Variants in CAPRIN2 observed in about 807,000 individuals in gnomAD.
CAPRIN2 encodes caprin-2.
Under a neutral mutation model 130.4 loss-of-function variants are expected in CAPRIN2, and 66 were observed. That is an observed-to-expected ratio of 0.51 (90% confidence interval 0.42 to 0.62). The LOEUF (loss-of-function observed/expected upper bound fraction) is 0.62. CAPRIN2 is among the 20% of genes least tolerant of loss of function. The probability of loss-of-function intolerance (pLI) is 0.00; values close to 1 mark genes in which losing one functional copy is unlikely to be tolerated. For synonymous variants in CAPRIN2, 471 were observed against 444.1 expected (o/e 1.06, Z -0.76); for missense variants, 1,185 against 1,246.6 (o/e 0.95, Z 0.74).
intron 15 of CAPRIN2, among the ~76,000 whole-genome samples, chr12:30,712,671 C>T (rs764086799): frequency 6.7e-6 from 1 of 149,344 alleles, no homozygotes; most frequent in Non-Finnish European, 1.5e-5. Context: ...GGTCACATGG[C>T]AAGAGAAGTG....
intron 9 of CAPRIN2, among the ~76,000 whole-genome samples, chr12:30,725,645 T>C (rs1181168914): frequency 4.6e-5 from 7 of 152,206 alleles, no homozygotes; most frequent in African/African-American, 1.7e-4. Context: ...TCTAACAATA[T>C]CAGGCACAGA....
chr12:30,732,325 C>T (rs544271905), intron 5 of CAPRIN2, among the ~76,000 whole-genome samples: 1 of 152,022 alleles, frequency 6.6e-6, no homozygotes, highest in South Asian at 2.1e-4. Flanking sequence ...ATTCCTTTCA[C>T]AGGAGTACTA....
intron 13 of CAPRIN2, chr12:30,715,444 T>C (rs1189313059): frequency 1.0e-5 from 5 of 481,324 alleles, no homozygotes; most frequent in Admixed American, 2.3e-5. Context: ...ATACCACTTA[T>C]ATGAGGTACC....
chr12:30,734,220 C>T (rs2063687739), intron 4 of CAPRIN2, among the ~76,000 whole-genome samples: 1 of 152,136 alleles, frequency 6.6e-6, no homozygotes, highest in Non-Finnish European at 1.5e-5. Context: ...AAATACATGG[C>T]TATATATAGG....
In CAPRIN2 at chr12:30,731,149, A is replaced by C. The variant is rs548865011; in HGVS notation, c.1060+194T>G. 2.0e-5 allele frequency among the ~76,000 whole-genome samples: 3 copies of C among 152,302 alleles called. No homozygotes were observed. In the East Asian group the frequency reaches 5.8e-4, roughly 29 times the overall value. On this transcript the variant is annotated intron_variant, in intron 6 of 16. Coordinates refer to ENST00000298892, the Ensembl canonical transcript of CAPRIN2. ...AAAGTACAAATTAATATTTCTAATA[A>C]GTTTCACTCGGTAAATCATGGTGAT...
chr12:30,729,317 G>A lies in CAPRIN2; in HGVS notation c.1113C>T (p.Asn371=), dbSNP rs765985451. ...AATCTACTTCTGTCATATAGCGTCT[G>A]TTAAGAAACTAGATAGAGAAACAAT... Residue 371 remains asparagine (N), a synonymous_variant, in exon 8 of 17, where the codon AAC becomes AAT. Coordinates refer to ENST00000298892, the Ensembl canonical transcript of CAPRIN2. 10 of 1,549,812 alleles carry A rather than the reference G, an allele frequency of 6.5e-6. No individual in the cohort carries two copies. In the South Asian group the frequency reaches 1.0e-4, roughly 16 times the overall value.
At chr12:30,754,896 T>TA (rs2075565821), upstream of CAPRIN2, 2 of 152,010 alleles carry the variant, frequency 1.3e-5, no homozygotes, top group African/African-American at 4.8e-5. Flanking sequence ...CTCCCGGTCC[T>TA]CGCCCGCGGC....
chr12:30,719,177 G>A, intron 12 of CAPRIN2: 1 of 1,614,084 alleles, frequency 6.2e-7, no homozygotes, highest in East Asian at 2.2e-5. Flanking sequence ...GCCATGGGAG[G>A]ATTTGGAGAA....
At chr12:30,750,037 A>G (rs1266496131) in intron 2 of CAPRIN2, among the ~76,000 whole-genome samples, 1 of 152,218 alleles carries the variant, frequency 6.6e-6, no homozygotes, top group Non-Finnish European at 1.5e-5. Context: ...TACACACAAA[A>G]AAGTTTTATC....
intron 7 of CAPRIN2, among the ~76,000 whole-genome samples, chr12:30,729,905 C>A (rs528993563): frequency 6.6e-6 from 1 of 152,156 alleles, no homozygotes; most frequent in African/African-American, 2.4e-5. Flanking sequence ...CAAAGTCCTG[C>A]GCATCTTAAA....
intron 12 of CAPRIN2, 50 bp downstream of exon 14, chr12:30,719,029 C>A: frequency 6.4e-7 from 1 of 1,563,000 alleles, no homozygotes; most frequent in Non-Finnish European, 8.7e-7. Flanking sequence ...GAAACAATGG[C>A]TTTTAACAGG....
intron 4 of CAPRIN2, among the ~76,000 whole-genome samples, chr12:30,734,188 G>C (rs1431770526): frequency 6.6e-6 from 1 of 152,194 alleles, no homozygotes; most frequent in Non-Finnish European, 1.5e-5. Context: ...CGATGGAGTA[G>C]ACTATCAGCA....
intron 11 of CAPRIN2, among the ~76,000 whole-genome samples, chr12:30,722,572 GA>G (rs1565584884): frequency 1.3e-5 from 2 of 152,134 alleles, no homozygotes; most frequent in African/African-American, 2.4e-5. Context: ...AGGAAAGTAG[GA>G]AAAACCCCAA....
chr12:30,744,205 C>T (rs2139331236), intron 2 of CAPRIN2, among the ~76,000 whole-genome samples: 1 of 152,248 alleles, frequency 6.6e-6, no homozygotes, highest in South Asian at 2.1e-4. Context: ...CTGCCACTGC[C>T]TTAGTAGGGC....
intron 3 of CAPRIN2, among the ~76,000 whole-genome samples, chr12:30,737,380 A>G (rs551827502): frequency 3.7e-4 from 57 of 152,244 alleles, no homozygotes; most frequent in South Asian, 2.3e-3. Context: ...AGTCTGACAA[A>G]TATCAGGGCC....
intron 3 of CAPRIN2, among the ~76,000 whole-genome samples, chr12:30,739,804 C>A (rs1387901200): frequency 6.6e-6 from 1 of 151,926 alleles, no homozygotes; most frequent in East Asian, 1.9e-4. Context: ...ACTTCCCAGA[C>A]TATTGTAAAA....
chr12:30,714,675 C>T (rs147161280), intron 14 of CAPRIN2, among the ~76,000 whole-genome samples: 117 of 152,128 alleles, frequency 7.7e-4, no homozygotes, highest in African/African-American at 2.7e-3. Context: ...GTTAAGTCAA[C>T]AAAAGAAAAA....
chr12:30,709,956 A>G (rs746415665), exon 17 of CAPRIN2: 1 of 1,612,188 alleles, frequency 6.2e-7, no homozygotes, highest in Non-Finnish European at 8.5e-7. Flanking sequence ...AGCTACTTCC[A>G]TAAATTGCTC....
At chr12:30,735,546 C>T (rs2064369079) in intron 3 of CAPRIN2, among the ~76,000 whole-genome samples, 1 of 152,060 alleles carries the variant, frequency 6.6e-6, no homozygotes, top group Non-Finnish European at 1.5e-5. Flanking sequence ...TGTATCAGTC[C>T]TTTTTGGACC....
Sources: allele counts gnomAD v4.1 joint callset (sites outside exome capture counted in the v4.1 genomes callset), GRCh38; gene constraint gnomAD v4.1.1; transcripts MANE v1.5; gene names NCBI Gene and HGNC (gene_info 2026-07-23, HGNC 2026-07-21).